XIRP2: variants seen among roughly 807,000 people sequenced by gnomAD.
XIRP2 encodes the protein xin actin-binding repeat-containing protein 2.
XIRP2 carries 236 observed loss-of-function variants against 277.0 expected under a neutral mutation model. The observed-to-expected ratio is 0.85, with a 90% CI of 0.77 to 0.95. The LOEUF is 0.95. Ranked by LOEUF, XIRP2 falls within the 40% of genes least tolerant of loss-of-function variation. The pLI is 0.00. For synonymous variants in XIRP2, 1,490 were observed against 1,416.5 expected (o/e 1.05, Z -1.17); for missense variants, 4,640 against 4,157.5 (o/e 1.12, Z -3.19).
chr2:166,923,842 A>G (rs983557512), intron 2 of XIRP2, among the ~76,000 whole-genome samples: 1 of 152,094 alleles, frequency 6.6e-6, no homozygotes, highest in Non-Finnish European at 1.5e-5. Context: ...TTAAAGCAAC[A>G]CAGGATATCT....
In XIRP2 at chr2:167,248,491, C is replaced by G. The variant is rs376097885; in HGVS notation, c.7099C>G (p.Pro2367Ala). Residue 2367 changes from proline (P) to alanine (A), a missense_variant, in exon 9 of 11, where the codon CCT becomes GCT. Transcript: ENST00000409195. ...RESSSMFLPPPPPPTPSQKPA... is the reference protein window; with the variant it reads ...RESSSMFLPPAPPPTPSQKPA... The stretch of plus-strand genomic sequence containing the variant: ...AAGTTCATCGATGTTTCTGCCGCCT[C>G]CTCCTCCTCCAACTCCATCTCAAAA... 1 of 1,613,698 alleles carries G rather than the reference C, an allele frequency of 6.2e-7. No homozygotes were observed.
intron 2 of XIRP2, among the ~76,000 whole-genome samples, chr2:167,015,542 G>T (rs1459879661): frequency 6.6e-6 from 1 of 151,674 alleles, no homozygotes; most frequent in Non-Finnish European, 1.5e-5. Flanking sequence ...GAGTTTGATA[G>T]CTTAAATAAA....
At chr2:166,905,500 A>G (rs1684493551) in intron 2 of XIRP2, among the ~76,000 whole-genome samples, 1 of 151,978 alleles carries the variant, frequency 6.6e-6, no homozygotes, top group South Asian at 2.1e-4. Context: ...TAGTAACTAT[A>G]AAAATAATTA....
chr2:167,132,337 AGT>A (rs1691401745), intron 2 of XIRP2, among the ~76,000 whole-genome samples: 2 of 152,144 alleles, frequency 1.3e-5, no homozygotes, highest in African/African-American at 4.8e-5. Flanking sequence ...CCTGGCATCT[AGT>A]GGGTAGAGAC....
At chr2:167,209,147 C>T (rs1350984559) in intron 3 of XIRP2, among the ~76,000 whole-genome samples, 1 of 152,092 alleles carries the variant, frequency 6.6e-6, no homozygotes, top group East Asian at 1.9e-4. Flanking sequence ...CATATAATAC[C>T]ATGTCTTATT....
At chr2:167,074,618 G>A (rs905688193) in intron 2 of XIRP2, among the ~76,000 whole-genome samples, 2 of 143,672 alleles carry the variant, frequency 1.4e-5, no homozygotes, top group African/African-American at 5.7e-5. Context: ...GTGTGTGTGT[G>A]TGTGCATGTG....
In XIRP2 at chr2:166,981,690, C is replaced by T. The variant is rs147428708; in HGVS notation, c.408+77800C>T. Among the ~76,000 whole-genome samples the T allele has an allele frequency of 3.6e-3, 553 of 152,242 alleles. 5 individuals carry two copies. The highest frequency in any genetic ancestry group is 0.011 in the African/African-American group (459 of 41,562). On this transcript the variant is annotated intron_variant, in intron 2 of 10. Coordinates refer to ENST00000409195, the MANE Select transcript of XIRP2 (RefSeq NM_152381.6). Reference sequence around the variant, plus strand: ...TGCTGGGCTTACAGGCATGAGCCACCGCACCCAGTTCCTTCTCCTCTTCTT... The same window carrying T: ...TGCTGGGCTTACAGGCATGAGCCACTGCACCCAGTTCCTTCTCCTCTTCTT...
intron 5 of XIRP2, among the ~76,000 whole-genome samples, chr2:167,226,062 G>A (rs979599572): frequency 5.3e-5 from 8 of 152,124 alleles, no homozygotes; most frequent in African/African-American, 7.2e-5. Context: ...TTAATGGGAC[G>A]TCTCAGTTCC....
At chr2:167,055,182 ACTC>A (rs1415093798) in intron 2 of XIRP2, among the ~76,000 whole-genome samples, 14 of 151,436 alleles carry the variant, frequency 9.2e-5, no homozygotes, top group Admixed American at 8.6e-4. Flanking sequence ...ACCTTTGAAA[ACTC>A]CTTTCTCTTC....
At chr2:166,968,733 G>GT (rs1204837528) in intron 2 of XIRP2, among the ~76,000 whole-genome samples, 1 of 151,722 alleles carries the variant, frequency 6.6e-6, no homozygotes, top group Non-Finnish European at 1.5e-5. Context: ...ACCTTTAAAG[G>GT]TAAAAAATTT....
At chr2:167,150,337 G>A (rs1333734667) in intron 3 of XIRP2, among the ~76,000 whole-genome samples, 1 of 151,610 alleles carries the variant, frequency 6.6e-6, no homozygotes, top group Non-Finnish European at 1.5e-5. Flanking sequence ...CACATGAGGA[G>A]ACATTTTAAC....
intron 2 of XIRP2, among the ~76,000 whole-genome samples, chr2:167,051,589 G>A (rs1688915619): frequency 6.6e-6 from 1 of 151,902 alleles, no homozygotes. Flanking sequence ...CAATGTTTTT[G>A]AAATTCATTC....
chr2:167,043,542 C>T (rs1299056486), intron 2 of XIRP2, among the ~76,000 whole-genome samples: 1 of 151,946 alleles, frequency 6.6e-6, no homozygotes, highest in Non-Finnish European at 1.5e-5. Context: ...CTACAAAAAA[C>T]CCTCACAGAC....
intron 2 of XIRP2, among the ~76,000 whole-genome samples, chr2:167,074,063 TAAG>T (rs1376183618): frequency 1.3e-5 from 2 of 152,170 alleles, no homozygotes; most frequent in African/African-American, 4.8e-5. Flanking sequence ...GAGATAGTAT[TAAG>T]TAGTATGGGA....
chr2:167,251,376 C>A lies in XIRP2; in HGVS notation c.9984C>A (p.Asp3328Glu). ...TVQMAENFVN[D>E]PENEINRWFR... ...AAATGGCTGAAAATTTCGTGAATGA[C>A]CCTGAAAATGAAATAAACAGATGGT... The change falls in exon 9 of 11, where the codon GAC becomes GAA. Residue 3328 changes from aspartate (D) to glutamate (E), a missense_variant. Asp to Glu is a conservative substitution (Grantham distance 45). Transcript: ENST00000409195. 1 of 1,613,516 alleles carries A rather than the reference C, an allele frequency of 6.2e-7. No homozygotes were observed. The highest frequency in any genetic ancestry group is 8.5e-7 in the Non-Finnish European group (1 of 1,179,654).
At position 166,938,323 on chromosome 2, in the gene XIRP2, C is replaced by T. The variant is rs1012743460; in HGVS notation, c.408+34433C>T. On this transcript the variant is annotated intron_variant, in intron 2 of 10. Coordinates refer to ENST00000409195, the MANE Select transcript of XIRP2 (RefSeq NM_152381.6). ...TTGTTCTTGTTGGTTTCAAAGAACA[C>T]CTTTATTTCTGCCTTCATTTCGTTA... Among the ~76,000 whole-genome samples, 33 of 152,136 alleles carry T rather than the reference C, an allele frequency of 2.2e-4. 3 individuals are homozygous for T. Among genetic ancestry groups the T allele is most frequent in the Admixed American group, 1.7e-3 (26 of 15,254 alleles).
chr2:167,090,342 T>A (rs145942828), intron 2 of XIRP2, among the ~76,000 whole-genome samples: 1 of 151,696 alleles, frequency 6.6e-6, no homozygotes, highest in African/African-American at 2.4e-5. Context: ...TATAAGACAT[T>A]ATTATTTTTA....
At chr2:166,965,104 T>A (rs1686395377) in intron 2 of XIRP2, among the ~76,000 whole-genome samples, 1 of 151,912 alleles carries the variant, frequency 6.6e-6, no homozygotes, top group Admixed American at 6.6e-5. Context: ...AAGTGATGCA[T>A]GTCACTTAAC....
At chr2:167,086,095 C>G (rs1689933164) in intron 2 of XIRP2, among the ~76,000 whole-genome samples, 1 of 152,006 alleles carries the variant, frequency 6.6e-6, no homozygotes, top group African/African-American at 2.4e-5. Context: ...TGTTCCTTTC[C>G]ATGTTTAGCA....
Sources: gnomAD v4.1 joint callset for allele counts (sites outside exome capture counted in the v4.1 genomes callset) on GRCh38, gnomAD v4.1.1 for gene constraint, MANE v1.5 for transcripts, NCBI Gene and HGNC (gene_info 2026-07-23, HGNC 2026-07-21) for gene names.